Variants in IL1RAP observed in about 807,000 individuals in gnomAD.
The protein encoded by IL1RAP is interleukin-1 receptor accessory protein.
In IL1RAP, 35 loss-of-function variants were observed where a neutral mutation model predicts 60.7. The ratio of observed to expected loss-of-function variants is 0.58; its 90% confidence interval spans 0.44 to 0.76. The LOEUF is 0.76. Ranked by LOEUF, IL1RAP falls within the 30% of genes least tolerant of loss-of-function variation. The pLI, the probability that IL1RAP is intolerant of heterozygous loss-of-function variation, is 0.00. For missense variants in IL1RAP, 572 were observed against 693.9 expected (o/e 0.82, Z 1.97); for synonymous variants, 268 against 250.9 (o/e 1.07, Z -0.64).
At position 190,649,811 on chromosome 3, in the gene IL1RAP, A is replaced by C; in HGVS notation, c.*1106A>C. 2 of 985,342 alleles carry C rather than the reference A, an allele frequency of 2.0e-6. No homozygotes were observed. Among genetic ancestry groups the C allele is most frequent in the Non-Finnish European group, 2.4e-6 (2 of 829,828 alleles). The allele number at this position is 985,342 out of a possible 1,614,324, so 61.0% of individuals were successfully genotyped here. A position where few individuals can be genotyped will look rare whatever the true frequency, so the allele number is the denominator to read the frequency against. The stretch of plus-strand genomic sequence containing the variant: ...ATATACTTGCTCCAAATAAGTCAGT[A>C]TGAGAAGTCACTGTCAATGAAAGTT... On this transcript the variant is annotated 3_prime_UTR_variant, in exon 12 of 12. Coordinates refer to ENST00000447382, the MANE Select transcript of IL1RAP (RefSeq NM_002182.4).
At chr3:190,519,045 A>G (rs1339838690) in intron 1 of IL1RAP, 1 of 152,162 alleles carries the variant, frequency 6.6e-6, no homozygotes, top group East Asian at 1.9e-4. Context: ...CCAATGACCT[A>G]CCCAATCATC....
intron 3 of IL1RAP, among the ~76,000 whole-genome samples, chr3:190,565,583 C>T (rs1726312926): frequency 6.6e-6 from 1 of 152,112 alleles, no homozygotes; most frequent in South Asian, 2.1e-4. Flanking sequence ...CTGAAACTAG[C>T]AGTAACTTCT....
rs1363430204 is a variant in IL1RAP at position 190,627,485 on chromosome 3, T to A, written c.902+36T>A. ...GGCCAGCAAGGGAGTGATTAACCTT[T>A]GTTTCTCAACTTAATGATCTCTGAT... is the stretch of plus-strand genomic sequence containing the variant. On this transcript the variant is annotated intron_variant, in intron 8 of 11. Coordinates refer to ENST00000447382, the MANE Select transcript of IL1RAP (RefSeq NM_002182.4). 4 of 1,593,594 alleles carry A rather than the reference T, an allele frequency of 2.5e-6. No homozygotes were observed. In the East Asian group the frequency reaches 9.0e-5, roughly 36 times the overall value.
intron 9 of IL1RAP, 199 bp downstream of exon 9, chr3:190,629,697 G>T (rs368452306): frequency 7.7e-7 from 1 of 1,296,856 alleles, no homozygotes; most frequent in East Asian, 3.0e-5. Context: ...TTCTGATATT[G>T]TTAGTACCGT....
At position 190,558,937 on chromosome 3, in the gene IL1RAP, G is replaced by T. The variant is rs572610095; in HGVS notation, c.-2+2721G>T. Among the ~76,000 whole-genome samples the T allele has an allele frequency of 4.8e-4, 73 of 152,266 alleles. 1 individual carries two copies. In the Middle Eastern group the frequency reaches 0.027, roughly 57 times the overall value. Reference sequence around the variant, plus strand: ...ATTTATTGTTGCACAGTTTCTGTGGGTCAGAAGGCCAAGAACAATGTGGCT... The same window carrying T: ...ATTTATTGTTGCACAGTTTCTGTGGTTCAGAAGGCCAAGAACAATGTGGCT... On this transcript the variant is annotated intron_variant, in intron 2 of 11. Coordinates refer to ENST00000447382, the MANE Select transcript of IL1RAP (RefSeq NM_002182.4).
intron 9 of IL1RAP, chr3:190,630,091 A>G (rs1451156831): frequency 1.3e-6 from 1 of 772,266 alleles, no homozygotes; most frequent in East Asian, 1.3e-4. Context: ...ATGCATAATT[A>G]TAATATTATT....
At chr3:190,601,459 A>G (rs1003525274) in intron 3 of IL1RAP, among the ~76,000 whole-genome samples, 1 of 152,214 alleles carries the variant, frequency 6.6e-6, no homozygotes, top group Non-Finnish European at 1.5e-5. Context: ...GCTTCTAACT[A>G]AAAACATAGC....
At chr3:190,558,657 ATTC>A (rs150526346) in intron 2 of IL1RAP, among the ~76,000 whole-genome samples, 1 of 152,202 alleles carries the variant, frequency 6.6e-6, no homozygotes, top group African/African-American at 2.4e-5. Context: ...CTCCAACTTT[ATTC>A]TTCTTTTTCA....
At chr3:190,597,968 T>A (rs1729525750) in intron 3 of IL1RAP, among the ~76,000 whole-genome samples, 1 of 152,214 alleles carries the variant, frequency 6.6e-6, no homozygotes, top group Admixed American at 6.5e-5. Flanking sequence ...GTCTCCTTAA[T>A]AAGGGCACTG....
chr3:190,594,697 G>T (rs1352546719), intron 3 of IL1RAP, among the ~76,000 whole-genome samples: 3 of 152,208 alleles, frequency 2.0e-5, no homozygotes, highest in Non-Finnish European at 4.4e-5. Flanking sequence ...GAAGGGGCGT[G>T]TGAGGCATGG....
Position 190,537,659 on chromosome 3 carries a change from C to CTA in IL1RAP, c.-88-18471_-88-18470insTA, listed in dbSNP as rs756730594. On this transcript the variant is annotated intron_variant, in intron 1 of 11. Transcript: ENST00000447382. ...AATTATATTGAAGACTAATAATGAGCATTTAGTAATACATATCAAAATGTA... is the reference window on the plus strand; with the variant it reads ...AATTATATTGAAGACTAATAATGAGCTAATTTAGTAATACATATCAAAATGTA... 2.6e-3 allele frequency among the ~76,000 whole-genome samples: 397 copies of CTA among 152,218 alleles called. 1 individual carries two copies. Among genetic ancestry groups the CTA allele is most frequent in the Non-Finnish European group, 4.2e-3 (289 of 68,014 alleles).
At chr3:190,572,097 C>A (rs1381400570) in intron 3 of IL1RAP, among the ~76,000 whole-genome samples, 2 of 151,932 alleles carry the variant, frequency 1.3e-5, no homozygotes, top group Non-Finnish European at 2.9e-5. Flanking sequence ...TATCTGATGA[C>A]CAGATGCAAA....
At chr3:190,519,132 A>G (rs60018485) in intron 1 of IL1RAP, 264 of 152,258 alleles carry the variant, frequency 1.7e-3, no homozygotes, top group African/African-American at 6.0e-3. Flanking sequence ...AATGTGGGAG[A>G]GCTGAACTAG....
intron 1 of IL1RAP, among the ~76,000 whole-genome samples, chr3:190,525,291 G>C (rs1250093471): frequency 6.6e-6 from 1 of 152,170 alleles, no homozygotes; most frequent in Non-Finnish European, 1.5e-5. Flanking sequence ...TCAGAGAAGT[G>C]ATCTCCGAGA....
At chr3:190,631,037 T>C (rs1732746891) in intron 9 of IL1RAP, among the ~76,000 whole-genome samples, 1 of 152,186 alleles carries the variant, frequency 6.6e-6, no homozygotes, top group South Asian at 2.1e-4. Flanking sequence ...TAAGTATCAT[T>C]TATGTCTGGA....
chr3:190,526,446 C>A (rs887568279), intron 1 of IL1RAP, among the ~76,000 whole-genome samples: 2 of 152,150 alleles, frequency 1.3e-5, no homozygotes, highest in African/African-American at 4.8e-5. Flanking sequence ...GTTCAATAAG[C>A]GTATTGAATC....
intron 9 of IL1RAP, among the ~76,000 whole-genome samples, chr3:190,640,409 T>C (rs1415438894): frequency 1.3e-5 from 2 of 152,228 alleles, no homozygotes; most frequent in East Asian, 1.9e-4. Flanking sequence ...TTTAACACAC[T>C]ATAATAGCCA....
intron 3 of IL1RAP, among the ~76,000 whole-genome samples, chr3:190,600,647 A>G (rs999432071): frequency 2.0e-5 from 3 of 152,196 alleles, no homozygotes; most frequent in African/African-American, 4.8e-5. Flanking sequence ...CAAAACATCC[A>G]CAAGTAGGAC....
chr3:190,646,765 G>A (rs1209677801), intron 11 of IL1RAP, among the ~76,000 whole-genome samples: 1 of 151,874 alleles, frequency 6.6e-6, no homozygotes, highest in Non-Finnish European at 1.5e-5. Flanking sequence ...AATATTGCAT[G>A]GATAATTGAG....
Sources: gnomAD v4.1 joint callset for allele counts (sites outside exome capture counted in the v4.1 genomes callset) on GRCh38, gnomAD v4.1.1 for gene constraint, MANE v1.5 for transcripts, NCBI Gene and HGNC (gene_info 2026-07-23, HGNC 2026-07-21) for gene names.